RTN4RL1: variants seen among roughly 807,000 people sequenced by gnomAD.
The protein encoded by RTN4RL1 is reticulon-4 receptor-like 1.
Under a neutral mutation model 25.6 loss-of-function variants are expected in RTN4RL1, and 7 were observed. That is an observed-to-expected ratio of 0.27 (90% CI 0.16 to 0.51). The LOEUF is 0.51. Among genes scored for constraint, RTN4RL1 ranks in the 20% least tolerant of loss-of-function variants. RTN4RL1 has a pLI of 0.97. For missense variants in RTN4RL1, 500 were observed against 615.6 expected (o/e 0.81, Z 1.99); for synonymous variants, 297 against 288.2 (o/e 1.03, Z -0.31).
chr17:1,939,146 A>T (rs899513036), intron 1 of RTN4RL1, among the ~76,000 whole-genome samples: 1 of 152,018 alleles, frequency 6.6e-6, no homozygotes, highest in Admixed American at 6.6e-5. Context: ...AGGTCAGGAG[A>T]TCGAGACCAT....
chr17:1,984,390 G>A (rs531143528), intron 1 of RTN4RL1, among the ~76,000 whole-genome samples: 2 of 152,258 alleles, frequency 1.3e-5, no homozygotes, highest in South Asian at 4.2e-4. Context: ...TCCAGACAGG[G>A]TCTCGCTCTG....
At chr17:1,960,202 A>AC (rs1306220151) in intron 1 of RTN4RL1, among the ~76,000 whole-genome samples, 13 of 60,808 alleles carry the variant, frequency 2.1e-4, no homozygotes, top group Non-Finnish European at 3.2e-4. Context: ...CCCCCACCCT[A>AC]CCCTGGGCCA....
At chr17:2,008,887 C>CCAT (rs2067022037) in intron 1 of RTN4RL1, among the ~76,000 whole-genome samples, 1 of 152,112 alleles carries the variant, frequency 6.6e-6, no homozygotes, top group South Asian at 2.1e-4. Flanking sequence ...ATCACCTACA[C>CCAT]CATCCTTTCA....
intron 1 of RTN4RL1, among the ~76,000 whole-genome samples, chr17:2,012,243 G>A (rs140961840): frequency 4.7e-4 from 71 of 152,304 alleles, no homozygotes; most frequent in Admixed American, 1.3e-3. Flanking sequence ...TTTTCCAAGC[G>A]AGAGGTTATT....
rs750666647 is a variant in RTN4RL1, at chr17:1,936,774, T to C, written c.1048A>G (p.Arg350Gly). 5 of 1,593,896 alleles carry C rather than the reference T, an allele frequency of 3.1e-6. No individual in the cohort carries two copies. In the South Asian group the frequency reaches 3.4e-5, roughly 11 times the overall value. Reference sequence around the variant, plus strand: ...TTGGTGCAGTTCTTCCCCGGCTTCCTGTGGCCGGGCCGGGGGCCGTGCGGG... The same window carrying C: ...TTGGTGCAGTTCTTCCCCGGCTTCCCGTGGCCGGGCCGGGGGCCGTGCGGG... ...GHPHGPRPGH[R>G]KPGKNCTNPR... The change falls in exon 2 of 2, where the codon AGG (arginine) becomes GGG (glycine). Residue 350 changes from arginine to glycine, a missense_variant. Coordinates refer to ENST00000331238, the MANE Select transcript of RTN4RL1 (RefSeq NM_178568.4).
chr17:1,992,989 T>C (rs2066915816), intron 1 of RTN4RL1, among the ~76,000 whole-genome samples: 1 of 152,110 alleles, frequency 6.6e-6, no homozygotes, highest in Non-Finnish European at 1.5e-5. Flanking sequence ...CCACCTGTCC[T>C]CCCAGCACTT....
rs770778861 is a variant in RTN4RL1, at chr17:2,024,903, C to T, written c.-38G>A. Reference sequence around the variant, plus strand: ...GCCGCCGCTCCGAGGTCGGCCTAGGCGCACTCCCTCCCGGGGTCCAGATTC... The same window carrying T: ...GCCGCCGCTCCGAGGTCGGCCTAGGTGCACTCCCTCCCGGGGTCCAGATTC... On this transcript the variant is annotated 5_prime_UTR_variant, in exon 1 of 2. Coordinates refer to ENST00000331238, the MANE Select transcript of RTN4RL1 (RefSeq NM_178568.4). 27 of 1,574,344 alleles carry T rather than the reference C, an allele frequency of 1.7e-5. No homozygotes were observed. In the South Asian group the frequency reaches 2.8e-4, roughly 16 times the overall value.
intron 1 of RTN4RL1, among the ~76,000 whole-genome samples, chr17:1,970,637 C>T (rs1178464649): frequency 1.3e-5 from 2 of 152,136 alleles, no homozygotes; most frequent in South Asian, 2.1e-4. Context: ...TCTGTGCCCT[C>T]GGCATCTAGC....
intron 1 of RTN4RL1, among the ~76,000 whole-genome samples, chr17:1,989,765 G>A (rs1312099060): frequency 6.6e-6 from 1 of 151,794 alleles, no homozygotes; most frequent in African/African-American, 2.4e-5. Context: ...GTAGAGAGGG[G>A]GTTTCACCAT....
intron 1 of RTN4RL1, among the ~76,000 whole-genome samples, chr17:1,971,961 C>CAAAAAAA (rs1323277246): frequency 3.3e-5 from 2 of 59,870 alleles, no homozygotes; most frequent in African/African-American, 6.6e-5. Flanking sequence ...GACTCCCTCT[C>CAAAAAAA]AAAAAAAAAA....
At chr17:1,975,744 G>A (rs910226383) in intron 1 of RTN4RL1, among the ~76,000 whole-genome samples, 3 of 152,264 alleles carry the variant, frequency 2.0e-5, no homozygotes, top group Non-Finnish European at 2.9e-5. Context: ...GCAAGCTAAG[G>A]CCACATCATC....
At position 1,937,693 on chromosome 17, in the gene RTN4RL1, G is replaced by A; in HGVS notation, c.129C>T (p.His43=). The A allele has an allele frequency of 6.2e-7, 1 of 1,613,408 alleles. No homozygotes were observed. Among genetic ancestry groups the A allele is most frequent in the Non-Finnish European group, 8.5e-7 (1 of 1,179,790 alleles). The change falls in exon 2 of 2, where the codon CAC becomes CAT. Residue 43 remains histidine (H), a synonymous_variant. Coordinates refer to ENST00000331238, the MANE Select transcript of RTN4RL1 (RefSeq NM_178568.4). ...PAPMTVSCQA[H]NFAAIPEGIP... ...TGCCCTCCGGGATGGCTGCAAAGTT[G>A]TGCGCCTGGCAGCTGACCGTCATGG... is the stretch of plus-strand genomic sequence containing the variant.
chr17:2,004,558 C>T (rs2151323663), intron 1 of RTN4RL1, among the ~76,000 whole-genome samples: 1 of 152,190 alleles, frequency 6.6e-6, no homozygotes, highest in East Asian at 1.9e-4. Flanking sequence ...GGATGATGCA[C>T]CAGTGTTCTG....
chr17:1,948,957 T>G (rs1915620656), intron 1 of RTN4RL1, among the ~76,000 whole-genome samples: 3 of 149,986 alleles, frequency 2.0e-5, no homozygotes, highest in African/African-American at 7.4e-5. Context: ...CACGCCTGGC[T>G]AATTTTTGTT....
chr17:1,954,951 C>A (rs1299625413), intron 1 of RTN4RL1, among the ~76,000 whole-genome samples: 1 of 152,228 alleles, frequency 6.6e-6, no homozygotes, highest in Admixed American at 6.5e-5. Context: ...CATTTCCAGC[C>A]TCAGCTCACA....
chr17:2,006,786 A>G (rs2066999347), intron 1 of RTN4RL1, among the ~76,000 whole-genome samples: 1 of 151,762 alleles, frequency 6.6e-6, no homozygotes, highest in Non-Finnish European at 1.5e-5. Context: ...ATGCCTGGCT[A>G]ATTTTTGCAT....
chr17:1,978,351 C>T (rs1220841330), intron 1 of RTN4RL1, among the ~76,000 whole-genome samples: 1 of 152,246 alleles, frequency 6.6e-6, no homozygotes, highest in African/African-American at 2.4e-5. Flanking sequence ...ACCTCCCTCT[C>T]CAGGACCTGG....
chr17:1,968,880 G>T (rs146929795), intron 1 of RTN4RL1, among the ~76,000 whole-genome samples: 1 of 152,248 alleles, frequency 6.6e-6, no homozygotes, highest in South Asian at 2.1e-4. Flanking sequence ...GGTATCTATC[G>T]CCGAGTGACA....
In RTN4RL1 at chr17:2,005,157, C is replaced by T. The variant is rs116008072; in HGVS notation, c.13+19696G>A. ...AGTGGCTGGGACTACGGGTGCACAC[C>T]ACCACATTTGGCTAATGTTTTTCAC... On this transcript the variant is annotated intron_variant, in intron 1 of 1. Transcript: ENST00000331238. Among the ~76,000 whole-genome samples, 366 of 152,216 alleles carry T rather than the reference C, an allele frequency of 2.4e-3. 4 individuals carry two copies. The highest frequency in any genetic ancestry group is 8.1e-3 in the African/African-American group (337 of 41,528).
Sources: gnomAD v4.1 joint callset for allele counts (sites outside exome capture counted in the v4.1 genomes callset) on GRCh38, gnomAD v4.1.1 for gene constraint, MANE v1.5 for transcripts, NCBI Gene and HGNC (gene_info 2026-07-23, HGNC 2026-07-21) for gene names.